The following STRN variants were observed in gnomAD, a reference collection of about 807,000 sequenced individuals.
STRN encodes the protein protein phosphatase 2 regulatory subunit B'''alpha.
Under a neutral mutation model 96.3 loss-of-function variants are expected in STRN, and 53 were observed. The ratio of observed to expected loss-of-function variants is 0.55; its 90% confidence interval spans 0.44 to 0.69. The LOEUF is 0.69. Ranked by LOEUF, STRN falls within the 30% of genes least tolerant of loss-of-function variation. STRN has a pLI of 0.00. For missense variants in STRN, 987 were observed against 963.9 expected (o/e 1.02, Z -0.32); for synonymous variants, 428 against 355.9 (o/e 1.20, Z -2.28).
intron 1 of STRN, among the ~76,000 whole-genome samples, chr2:36,959,450 T>C (rs1315237982): frequency 6.6e-6 from 1 of 152,134 alleles, no homozygotes; most frequent in Non-Finnish European, 1.5e-5. Context: ...AAAATAAAAC[T>C]GTAAAGATAT....
At position 36,902,653 on chromosome 2, in the gene STRN, T is replaced by C. The variant is rs141990672; in HGVS notation, c.590A>G (p.Glu197Gly). The C allele has an allele frequency of 3.0e-5, 48 of 1,612,366 alleles. No individual in the cohort carries two copies. The Middle Eastern group carries it at 8.3e-4, about 28-fold the overall frequency. Reference protein sequence around the residue: ...LGFSSDVTDREDDKNQDSVVN... With the variant: ...LGFSSDVTDRGDDKNQDSVVN... ...AACTGAGTCCTGATTTTTGTCATCT[T>C]CCCTGTCCGTGACATCACTTGAAAA... is the stretch of plus-strand genomic sequence containing the variant. Residue 197 changes from glutamate (E) to glycine (G), a missense_variant, in exon 5 of 18, where the codon GAA (glutamate) becomes GGA (glycine). Glu to Gly is a moderately conservative substitution (Grantham distance 98). Transcript: ENST00000263918.
rs566429154 is a variant in STRN, at chr2:36,871,233, T to C, written c.1324-1504A>G. Among the ~76,000 whole-genome samples, 4 of 152,338 alleles carry C rather than the reference T, an allele frequency of 2.6e-5. No individual in the cohort carries two copies. The East Asian group carries it at 7.7e-4, about 29-fold the overall frequency. ...AAGTCAATGGTAGTGTACAGTAATG[T>C]CCTAGACCTTCACATTCACTCATCA... On this transcript the variant is annotated intron_variant, in intron 10 of 17. Coordinates refer to ENST00000263918, the MANE Select transcript of STRN (RefSeq NM_003162.4).
intron 11 of STRN, 63 bp from the exon 12 acceptor site, chr2:36,867,924 G>T: frequency 7.7e-7 from 1 of 1,301,518 alleles, no homozygotes; most frequent in Non-Finnish European, 1.1e-6. Context: ...TTAAACATAT[G>T]TCATAAAATT....
intron 7 of STRN, among the ~76,000 whole-genome samples, chr2:36,888,436 C>T (rs1328409566): frequency 6.6e-6 from 1 of 152,176 alleles, no homozygotes; most frequent in Non-Finnish European, 1.5e-5. Context: ...CCTAGAATCA[C>T]TCTGCTCTAG....
chr2:36,952,604 C>A (rs573080940), intron 1 of STRN, among the ~76,000 whole-genome samples: 1 of 152,278 alleles, frequency 6.6e-6, no homozygotes, highest in African/African-American at 2.4e-5. Context: ...TACAGTTTTA[C>A]AAGGATTAAA....
intron 13 of STRN, among the ~76,000 whole-genome samples, chr2:36,860,198 A>C (rs933764382): frequency 6.6e-6 from 1 of 152,234 alleles, no homozygotes; most frequent in Admixed American, 6.5e-5. Flanking sequence ...ATGCAGTCGC[A>C]AAGAGACAGA....
At chr2:36,863,487 G>A (rs1022686364) in intron 12 of STRN, among the ~76,000 whole-genome samples, 1 of 152,120 alleles carries the variant, frequency 6.6e-6, no homozygotes, top group Non-Finnish European at 1.5e-5. Flanking sequence ...TTATAAGTGT[G>A]CAGCTTTATT....
intron 1 of STRN, among the ~76,000 whole-genome samples, chr2:36,933,834 G>A (rs1009287665): frequency 3.9e-5 from 6 of 152,204 alleles, no homozygotes; most frequent in Admixed American, 6.5e-5. Context: ...ACTAGGCTGG[G>A]CACGGTGGCT....
At chr2:36,944,249 T>C (rs753232938) in intron 1 of STRN, among the ~76,000 whole-genome samples, 4 of 152,202 alleles carry the variant, frequency 2.6e-5, no homozygotes, top group Non-Finnish European at 5.9e-5. Context: ...GCAATGCAGA[T>C]ATAACGAAAA....
intron 3 of STRN, among the ~76,000 whole-genome samples, chr2:36,909,963 A>G (rs1669921720): frequency 6.6e-6 from 1 of 152,106 alleles, no homozygotes; most frequent in Non-Finnish European, 1.5e-5. Context: ...ACCTGAGGTC[A>G]GGAGTTCTAG....
At chr2:36,919,774 G>C (rs1014395378) in intron 2 of STRN, among the ~76,000 whole-genome samples, 18 of 152,302 alleles carry the variant, frequency 1.2e-4, no homozygotes, top group Middle Eastern at 6.8e-3. Flanking sequence ...GCAGTGAATA[G>C]AGAGAAATTT....
chr2:36,966,514 A>G lies in STRN; in HGVS notation c.-51T>C. The G allele has an allele frequency of 1.5e-6, 2 of 1,314,062 alleles. No individual in the cohort carries two copies. Among genetic ancestry groups the G allele is most frequent in the Non-Finnish European group, 2.0e-6 (2 of 1,013,560 alleles). 81.4% of individuals were successfully genotyped at this position (1,314,062 alleles called of 1,614,324 possible). On this transcript the variant is annotated 5_prime_UTR_variant, in exon 1 of 18. Transcript: ENST00000263918. ...GCCCCGGCGCCCAGCAGCGGAGGCA[A>G]CAGCGGCGGCAAGCAGCGCCTCCTC...
At position 36,861,260 on chromosome 2, in the gene STRN, G is replaced by A. The variant is rs750566480; in HGVS notation, c.1548-7C>T. 2.0e-5 allele frequency: 32 copies of A among 1,604,584 alleles called. No individual in the cohort carries two copies. Among genetic ancestry groups the A allele is most frequent in the Admixed American group, 1.0e-4 (6 of 57,738 alleles). ...CACACAAAGCACTGGACCTCTGGGA[G>A]ATTAAAAAAAATAAATCAACTGCTA... On this transcript the variant is annotated splice_polypyrimidine_tract_variant and splice_region_variant and intron_variant, in intron 12 of 17. Coordinates refer to ENST00000263918, the MANE Select transcript of STRN (RefSeq NM_003162.4).
At chr2:36,939,876 C>T (rs182137405) in intron 1 of STRN, among the ~76,000 whole-genome samples, 1 of 152,244 alleles carries the variant, frequency 6.6e-6, no homozygotes. Flanking sequence ...GACCACGATA[C>T]AGTATTTAGG....
At chr2:36,919,774 G>T (rs1014395378) in intron 2 of STRN, among the ~76,000 whole-genome samples, 1 of 152,184 alleles carries the variant, frequency 6.6e-6, no homozygotes. Context: ...GCAGTGAATA[G>T]AGAGAAATTT....
chr2:36,945,836 T>C (rs1036555404), intron 1 of STRN, among the ~76,000 whole-genome samples: 1 of 152,186 alleles, frequency 6.6e-6, no homozygotes, highest in South Asian at 2.1e-4. Context: ...AAATTCAACA[T>C]CTACTAGTTT....
chr2:36,890,825 C>T (rs561390950), intron 7 of STRN, among the ~76,000 whole-genome samples: 6 of 152,106 alleles, frequency 3.9e-5, no homozygotes, highest in African/African-American at 1.4e-4. Context: ...AATGAACCTA[C>T]CAATCATTCT....
At chr2:36,855,443 T>TA in intron 14 of STRN, 91 bp from the exon 15 acceptor site, 1 of 1,365,018 alleles carries the variant, frequency 7.3e-7, no homozygotes, top group Non-Finnish European at 1.0e-6. Flanking sequence ...TGGCATGGTT[T>TA]CCTTAAGAAG....
chr2:36,950,540 G>A (rs1664730442), intron 1 of STRN, among the ~76,000 whole-genome samples: 1 of 152,184 alleles, frequency 6.6e-6, no homozygotes, highest in Non-Finnish European at 1.5e-5. Flanking sequence ...GCAAAGTGGA[G>A]ATGACCATTG....
Sources: allele counts gnomAD v4.1 joint callset (sites outside exome capture counted in the v4.1 genomes callset), GRCh38; gene constraint gnomAD v4.1.1; transcripts MANE v1.5; gene names NCBI Gene and HGNC (gene_info 2026-07-23, HGNC 2026-07-21).